MICAL2: variants seen among roughly 807,000 people sequenced by gnomAD.
MICAL2 encodes the protein microtubule associated monooxygenase, calponin and LIM domain containing 2.
A neutral mutation model predicts 127.3 loss-of-function variants in MICAL2; 77 were observed. That is an observed-to-expected ratio of 0.60 (90% CI 0.50 to 0.73). The LOEUF is 0.73. MICAL2 is among the 30% of genes least tolerant of loss of function. The pLI is 0.00. For synonymous variants in MICAL2, 570 were observed against 551.1 expected, an observed-to-expected ratio of 1.03 and a Z score of -0.48; for missense variants, 1,351 against 1,434.4, an observed-to-expected ratio of 0.94 and a Z score of 0.94.
chr11:12,275,780 G>A (rs10831775), upstream of MICAL2, among the ~76,000 whole-genome samples: 15,884 of 152,218 alleles, frequency 0.1, 1,048 homozygotes, highest in South Asian at 0.19. Context: ...GTGCATTCAC[G>A]CCCTACATGT....
intron 1 of MICAL2, among the ~76,000 whole-genome samples, chr11:12,132,898 A>T (rs2133565207): frequency 6.6e-6 from 1 of 152,240 alleles, no homozygotes; most frequent in Admixed American, 6.5e-5. Context: ...CTGGTTATTT[A>T]GTTTATGCCC....
intron 32 of MICAL2, among the ~76,000 whole-genome samples, chr11:12,328,858 A>G (rs1248388134): frequency 6.6e-6 from 1 of 152,192 alleles, no homozygotes; most frequent in Admixed American, 6.5e-5. Context: ...CCTGGAGTTC[A>G]TGCAAAGTCA....
chr11:12,337,571 G>T (rs1938789017), intron 32 of MICAL2, among the ~76,000 whole-genome samples: 2 of 151,930 alleles, frequency 1.3e-5, no homozygotes, highest in South Asian at 4.2e-4. Context: ...GATCTTTCCT[G>T]CTTTCTCTTT....
At chr11:12,340,862 C>T (rs900867228) in intron 32 of MICAL2, among the ~76,000 whole-genome samples, 4 of 152,046 alleles carry the variant, frequency 2.6e-5, no homozygotes, top group Admixed American at 2.6e-4. Flanking sequence ...CAGATTAAAA[C>T]AAAACAAAAA....
At chr11:12,297,799 T>G (rs1327748492) in intron 29 of MICAL2, among the ~76,000 whole-genome samples, 1 of 152,032 alleles carries the variant, frequency 6.6e-6, no homozygotes, top group African/African-American at 2.4e-5. Flanking sequence ...TGAGATGACG[T>G]ATTTATCATA....
chr11:12,235,934 G>A (rs1234409301), intron 15 of MICAL2, among the ~76,000 whole-genome samples: 6 of 152,172 alleles, frequency 3.9e-5, no homozygotes, highest in African/African-American at 1.2e-4. Context: ...CCCTTCTGAC[G>A]AAGCCTTGGC....
At chr11:12,141,076 T>C (rs1398910605) in intron 2 of MICAL2, among the ~76,000 whole-genome samples, 1 of 152,062 alleles carries the variant, frequency 6.6e-6, no homozygotes, top group Non-Finnish European at 1.5e-5. Context: ...GAGGCAGTTA[T>C]CAAAATATCC....
chr11:12,317,991 A>G lies in MICAL2; in HGVS notation c.5213-1705A>G, dbSNP rs781059506. On this transcript the variant is annotated intron_variant, in intron 29 of 34. Coordinates refer to the MICAL2 transcript ENST00000646065. ...GAAAGTTAAAAGAAGTTTCAACTTA[A>G]GTTTATGTTTCTTCCATAAACAAAG... 1.1e-4 allele frequency among the ~76,000 whole-genome samples: 16 copies of G among 152,234 alleles called. No individual in the cohort carries two copies. The South Asian group carries it at 3.1e-3, about 30-fold the overall frequency.
downstream of MICAL2, chr11:12,294,803 C>CCTCCTCCTT (rs1467539279): frequency 7.2e-7 from 1 of 1,391,536 alleles, no homozygotes; most frequent in African/African-American, 1.6e-5. Context: ...GGCAGCTCCT[C>CCTCCTCCTT]CTCCTCCTCC....
chr11:12,128,627 A>G (rs973795096), intron 1 of MICAL2, among the ~76,000 whole-genome samples: 5 of 152,228 alleles, frequency 3.3e-5, no homozygotes, highest in African/African-American at 1.2e-4. Context: ...TGGGGAAAGC[A>G]TGGGTGGGAG....
chr11:12,332,292 T>G (rs1029991685), intron 32 of MICAL2, among the ~76,000 whole-genome samples: 2 of 152,242 alleles, frequency 1.3e-5, no homozygotes, highest in Non-Finnish European at 2.9e-5. Context: ...ACATGGCTGG[T>G]TGCTGTGCAT....
chr11:12,268,917 T>C (rs1021457382), intron 24 of MICAL2, among the ~76,000 whole-genome samples: 8 of 151,664 alleles, frequency 5.3e-5, no homozygotes, highest in Non-Finnish European at 8.8e-5. Flanking sequence ...GAGAATGGTG[T>C]GAACCCGGGA....
intron 30 of MICAL2, among the ~76,000 whole-genome samples, chr11:12,321,073 T>C (rs1048866125): frequency 7.2e-5 from 11 of 152,150 alleles, no homozygotes; most frequent in South Asian, 4.1e-4. Context: ...AATAAAAGAA[T>C]AGAATGGCCC....
At position 12,226,236 on chromosome 11, in the gene MICAL2, A is replaced by G. The variant is rs149267916; in HGVS notation, c.1754A>G (p.Glu585Gly). ...AACCAGCTCGCATTTGATGTGGCCG[A>G]GCGAGAGTTTGGGATCCCTCCAGTG... Reference protein sequence around the residue: ...ENNQLAFDVAEREFGIPPVTT... With the variant: ...ENNQLAFDVAGREFGIPPVTT... Residue 585 changes from glutamate (E) to glycine (G), a missense_variant, in exon 14 of 28, where the codon GAG becomes GGG. Transcript: ENST00000683283. The G allele has an allele frequency of 3.3e-5, 54 of 1,614,128 alleles. No homozygotes were observed. Among genetic ancestry groups the G allele is most frequent in the Non-Finnish European group, 4.2e-5 (49 of 1,180,058 alleles).
At chr11:12,226,060 C>A in intron 13 of MICAL2, 111 bp from the exon 14 acceptor site, 1 of 1,024,528 alleles carries the variant, frequency 9.8e-7, no homozygotes, top group Non-Finnish European at 1.5e-6. Flanking sequence ...TGTAACCTGC[C>A]GACACCTGGC....
At chr11:12,287,396 C>T (rs933003437), downstream of MICAL2, 21 of 348,908 alleles carry the variant, frequency 6.0e-5, no homozygotes, top group Non-Finnish European at 9.2e-5. Context: ...ACCCCTGGCT[C>T]AGGAATTATG....
At chr11:12,335,114 GTTT>G in intron 32 of MICAL2, among the ~76,000 whole-genome samples, 1 of 147,280 alleles carries the variant, frequency 6.8e-6, no homozygotes, top group Non-Finnish European at 1.5e-5. Flanking sequence ...TCCAGCACCT[GTTT>G]TTTCCTGATT....
chr11:12,294,594 A>C (rs1863954342), downstream of MICAL2: 1 of 1,614,214 alleles, frequency 6.2e-7, no homozygotes, highest in Non-Finnish European at 8.5e-7. Context: ...GATGCTTCTA[A>C]GCCTCCAAAG....
intron 3 of MICAL2, among the ~76,000 whole-genome samples, chr11:12,196,921 T>C (rs775241059): frequency 9.2e-5 from 14 of 152,224 alleles, no homozygotes; most frequent in Non-Finnish European, 1.9e-4. Context: ...CCATTTGTTT[T>C]CTTTCTGCAA....
Sources: gnomAD v4.1 joint callset for allele counts (sites outside exome capture counted in the v4.1 genomes callset) on GRCh38, gnomAD v4.1.1 for gene constraint, MANE v1.5 for transcripts, NCBI Gene and HGNC (gene_info 2026-07-23, HGNC 2026-07-21) for gene names.